Variants in TM7SF3 observed in about 807,000 individuals in gnomAD.
TM7SF3 encodes the protein seven span transmembrane protein.
In TM7SF3, 60 loss-of-function variants were observed where a neutral mutation model predicts 65.5. That is an observed-to-expected ratio of 0.92 (90% CI 0.74 to 1.14). TM7SF3 has a LOEUF of 1.14. TM7SF3 is among the 50% of genes most tolerant of loss of function. The pLI, the probability that TM7SF3 is intolerant of heterozygous loss-of-function variation, is 0.00. For synonymous variants in TM7SF3, 264 were observed against 259.6 expected (o/e 1.02, Z -0.16); for missense variants, 623 against 684.8 (o/e 0.91, Z 1.01).
At chr12:26,975,346 CAG>C in intron 11 of TM7SF3, 148 bp downstream of exon 11, 1 of 637,364 alleles carries the variant, frequency 1.6e-6, no homozygotes, top group Middle Eastern at 4.2e-4. Flanking sequence ...GTTATCATAA[CAG>C]AGGGTTCTCA....
chr12:27,009,161 A>G (rs575263614), intron 1 of TM7SF3, among the ~76,000 whole-genome samples: 2 of 152,262 alleles, frequency 1.3e-5, no homozygotes, highest in South Asian at 4.1e-4. Flanking sequence ...TAACACAAAT[A>G]TTACAACTCT....
At chr12:26,994,180 A>G (rs1199257485) in intron 5 of TM7SF3, among the ~76,000 whole-genome samples, 1 of 152,214 alleles carries the variant, frequency 6.6e-6, no homozygotes, top group Non-Finnish European at 1.5e-5. Context: ...AGCAACTAAT[A>G]AACTTTACTA....
intron 8 of TM7SF3, chr12:26,980,242 A>G: frequency 1.9e-6 from 1 of 538,250 alleles, no homozygotes; most frequent in Non-Finnish European, 3.3e-6. Flanking sequence ...GTAGGGAGGT[A>G]TCTGTTTTCA....
intron 3 of TM7SF3, among the ~76,000 whole-genome samples, chr12:26,998,428 T>C (rs1180313984): frequency 6.6e-6 from 1 of 152,188 alleles, no homozygotes; most frequent in Non-Finnish European, 1.5e-5. Context: ...CCAAATGTCC[T>C]ACAAGCATCT....
intron 5 of TM7SF3, among the ~76,000 whole-genome samples, chr12:26,992,467 G>A (rs531918047): frequency 6.6e-6 from 1 of 152,256 alleles, no homozygotes; most frequent in East Asian, 1.9e-4. Context: ...TGTATTTTTA[G>A]TAGAGACAGG....
At chr12:27,008,452 G>A (rs1014511782) in intron 1 of TM7SF3, among the ~76,000 whole-genome samples, 12 of 152,128 alleles carry the variant, frequency 7.9e-5, no homozygotes, top group South Asian at 4.1e-4. Context: ...GATACGTTGC[G>A]AATATATTCT....
intron 2 of TM7SF3, among the ~76,000 whole-genome samples, chr12:27,000,002 G>A (rs1055058846): frequency 3.3e-5 from 5 of 152,152 alleles, no homozygotes; most frequent in Admixed American, 3.3e-4. Context: ...AACACAGTCG[G>A]GTTCTGATGA....
At chr12:26,989,687 A>C (rs970067227) in intron 6 of TM7SF3, among the ~76,000 whole-genome samples, 23 of 150,942 alleles carry the variant, frequency 1.5e-4, no homozygotes, top group South Asian at 2.1e-4. Context: ...ACACACACAC[A>C]CCCCTCACAA....
chr12:26,993,435 G>A (rs1267173967), intron 5 of TM7SF3, among the ~76,000 whole-genome samples: 1 of 152,216 alleles, frequency 6.6e-6, no homozygotes, highest in East Asian at 1.9e-4. Context: ...GAATCCAATG[G>A]ACTAAATTCA....
intron 6 of TM7SF3, among the ~76,000 whole-genome samples, chr12:26,985,676 T>TAC (rs1940041354): frequency 3.5e-5 from 4 of 114,466 alleles, no homozygotes; most frequent in East Asian, 4.8e-4. Context: ...TATATATATA[T>TAC]ATACACACAC....
chr12:27,006,539 T>C (rs1039259429), intron 1 of TM7SF3, among the ~76,000 whole-genome samples: 2 of 152,254 alleles, frequency 1.3e-5, no homozygotes, highest in Non-Finnish European at 2.9e-5. Flanking sequence ...TTGCTTTCCC[T>C]TAAAATGGTA....
chr12:27,009,067 A>G (rs144176986), intron 1 of TM7SF3, among the ~76,000 whole-genome samples: 1 of 152,348 alleles, frequency 6.6e-6, no homozygotes, highest in Non-Finnish European at 1.5e-5. Context: ...CACCTTTCAC[A>G]TAAGTCAAGT....
At chr12:27,006,145 T>C (rs904094090) in intron 1 of TM7SF3, among the ~76,000 whole-genome samples, 2 of 146,482 alleles carry the variant, frequency 1.4e-5, no homozygotes, top group Non-Finnish European at 3.0e-5. Flanking sequence ...TTTTTCTTTT[T>C]TTTTTTTTTT....
intron 1 of TM7SF3, 57 bp downstream of exon 1, chr12:27,014,021 C>A (rs75181233): frequency 5.5e-6 from 8 of 1,464,572 alleles, no homozygotes; most frequent in Non-Finnish European, 7.5e-6. Flanking sequence ...GGATTTTGAC[C>A]TCGCAAGAAA....
chr12:26,974,057 A>G lies in TM7SF3; in HGVS notation c.1621T>C (p.Leu541=), dbSNP rs780172209. ...ILDPSYHIPP[L]RERLYGRLTQ... ...AATCGGCCATAGAGCCTCTCTCTCA[A>G]TGGAGGAATGTGGTAGCTAGGGTCC... Residue 541 remains leucine, a synonymous_variant, in exon 12 of 12, where the codon TTG becomes CTG. Transcript: ENST00000343028. 1 of 1,614,082 alleles carries G rather than the reference A, an allele frequency of 6.2e-7. No homozygotes were observed. Among genetic ancestry groups the G allele is most frequent in the Non-Finnish European group, 8.5e-7 (1 of 1,180,006 alleles).
At chr12:27,011,957 TGGAC>T in intron 1 of TM7SF3, among the ~76,000 whole-genome samples, 1 of 152,238 alleles carries the variant, frequency 6.6e-6, no homozygotes, top group Non-Finnish European at 1.5e-5. Context: ...GAAAAAGTTC[TGGAC>T]GCCTGCTCTC....
chr12:26,979,705 C>A, intron 9 of TM7SF3, 79 bp downstream of exon 9: 2 of 1,499,512 alleles, frequency 1.3e-6, no homozygotes, highest in Non-Finnish European at 1.8e-6. Flanking sequence ...CATGCAACAC[C>A]ACTCCAGGAT....
At chr12:26,988,835 C>A (rs1940218642) in intron 6 of TM7SF3, among the ~76,000 whole-genome samples, 1 of 152,030 alleles carries the variant, frequency 6.6e-6, no homozygotes, top group Non-Finnish European at 1.5e-5. Flanking sequence ...ACCTCCCCTT[C>A]CACCTCTGCC....
intron 3 of TM7SF3, among the ~76,000 whole-genome samples, chr12:26,997,978 A>G (rs1482266277): frequency 6.6e-6 from 1 of 151,116 alleles, no homozygotes; most frequent in Non-Finnish European, 1.5e-5. Flanking sequence ...GGCACCTGCC[A>G]CCACACCTGA....
Sources: allele counts gnomAD v4.1 joint callset (sites outside exome capture counted in the v4.1 genomes callset), GRCh38; gene constraint gnomAD v4.1.1; transcripts MANE v1.5; gene names NCBI Gene and HGNC (gene_info 2026-07-23, HGNC 2026-07-21).